Variants in CFAP54 observed in about 807,000 individuals in gnomAD.
The protein encoded by CFAP54 is cilia- and flagella-associated protein 54.
CFAP54 carries 290 observed loss-of-function variants against 370.4 expected under a neutral mutation model. The ratio of observed to expected loss-of-function variants is 0.78; its 90% confidence interval spans 0.71 to 0.86. The LOEUF (loss-of-function observed/expected upper bound fraction) is 0.86. Among genes scored for constraint, CFAP54 ranks in the 40% least tolerant of loss-of-function variants. The pLI, the probability that CFAP54 is intolerant of heterozygous loss-of-function variation, is 0.00. For missense variants in CFAP54, 3,399 were observed against 3,528.7 expected (o/e 0.96, Z 0.93); for synonymous variants, 1,206 against 1,236.5 (o/e 0.98, Z 0.52).
intron 19 of CFAP54, among the ~76,000 whole-genome samples, chr12:96,569,138 A>G (rs1333680807): frequency 6.6e-6 from 1 of 152,178 alleles, no homozygotes; most frequent in Non-Finnish European, 1.5e-5. Context: ...GTGTCTTTGT[A>G]GATGTAATTT....
intron 14 of CFAP54, among the ~76,000 whole-genome samples, chr12:96,544,006 CTATGATA>C (rs1955608473): frequency 6.6e-6 from 1 of 152,032 alleles, no homozygotes; most frequent in Non-Finnish European, 1.5e-5. Context: ...CTCTGTGATA[CTATGATA>C]TATGATATAT....
At chr12:96,621,427 G>A (rs75433486) in intron 26 of CFAP54, among the ~76,000 whole-genome samples, 163 bp from the exon 27 acceptor site, 8,968 of 149,060 alleles carry the variant, frequency 0.06, 382 homozygotes, top group Non-Finnish European at 0.096. Flanking sequence ...CACTCAATGT[G>A]TTAATACGAT....
intron 14 of CFAP54, among the ~76,000 whole-genome samples, chr12:96,543,474 G>C (rs1418169365): frequency 6.6e-6 from 1 of 152,072 alleles, no homozygotes; most frequent in Non-Finnish European, 1.5e-5. Flanking sequence ...GGAGACTGGG[G>C]GTAAGAAGCC....
intron 66 of CFAP54, among the ~76,000 whole-genome samples, chr12:96,843,766 GTTGTGATTCATAAA>G (rs1402757867): frequency 1.3e-5 from 2 of 152,170 alleles, no homozygotes; most frequent in African/African-American, 4.8e-5. Context: ...TCGAGTTACA[GTTGTGATTCATAAA>G]TACATAAATT....
chr12:96,787,801 C>T (rs777676569), intron 62 of CFAP54, among the ~76,000 whole-genome samples: 1 of 151,850 alleles, frequency 6.6e-6, no homozygotes, highest in Non-Finnish European at 1.5e-5. Flanking sequence ...AAGAGAAAAT[C>T]GCAGGATTAA....
At position 96,630,605 on chromosome 12, in the gene CFAP54, T is replaced by C; in HGVS notation, c.4270T>C (p.Phe1424Leu). 3 of 1,509,452 alleles carry C rather than the reference T, an allele frequency of 2.0e-6. No homozygotes were observed. In the Middle Eastern group the frequency reaches 5.1e-4, roughly 257 times the overall value. The allele number at this position is 1,509,452 out of a possible 1,614,324, so 93.5% of individuals were successfully genotyped here. The change falls in exon 32 of 68, where the codon TTC becomes CTC. Residue 1424 changes from phenylalanine (F) to leucine (L), a missense_variant. Coordinates refer to ENST00000524981, the MANE Select transcript of CFAP54 (RefSeq NM_001306084.2). ...TAAAAAAAAGGAAACTCTAAGAGAT[T>C]TCATTTTTAAAAATCCGGCTATTTC... The part of the protein sequence containing the change: ...RSKKKETLRD[F>L]IFKNPAISEM...
chr12:96,688,901 CT>C lies in CFAP54; in HGVS notation c.6015-13del. The C allele has an allele frequency of 6.7e-7, 1 of 1,500,904 alleles. No individual in the cohort carries two copies. Among genetic ancestry groups the C allele is most frequent in the Non-Finnish European group, 9.0e-7 (1 of 1,108,520 alleles). The allele number at this position is 1,500,904 out of a possible 1,614,324, so 93.0% of individuals were successfully genotyped here. On this transcript the variant is annotated splice_polypyrimidine_tract_variant and intron_variant, in intron 42 of 67. Coordinates refer to ENST00000524981, the MANE Select transcript of CFAP54 (RefSeq NM_001306084.2). The stretch of plus-strand genomic sequence containing the variant: ...AATTTCTACTAATCAATTTTTTTTT[CT>C]TATACTTACTTAGATTTATTAAGTC...
intron 50 of CFAP54, among the ~76,000 whole-genome samples, chr12:96,728,715 GGTGA>G (rs2136623061): frequency 6.6e-6 from 1 of 152,290 alleles, no homozygotes; most frequent in African/African-American, 2.4e-5. Flanking sequence ...TTCCGTTGCT[GGTGA>G]GTAACTGTGT....
At position 96,580,580 on chromosome 12, in the gene CFAP54, AT is replaced by A; in HGVS notation, c.2797-12del. On this transcript the variant is annotated splice_polypyrimidine_tract_variant and intron_variant, in intron 20 of 67. Transcript: ENST00000524981. ...AAAAGAATGCCTTTTAAACAGGCTCATTTTTCTCGTCGGCAGGTCTCCTGGT... is the reference window on the plus strand; with the variant it reads ...AAAAGAATGCCTTTTAAACAGGCTCATTTTCTCGTCGGCAGGTCTCCTGGT... 4.1e-6 allele frequency: 6 copies of A among 1,452,398 alleles called. No homozygotes were observed. The South Asian group carries it at 4.3e-5, about 10-fold the overall frequency. 90.0% of individuals were successfully genotyped at this position (1,452,398 alleles called of 1,614,324 possible). A position where few individuals can be genotyped will look rare whatever the true frequency, so the allele number is the denominator to read the frequency against.
intron 48 of CFAP54, among the ~76,000 whole-genome samples, chr12:96,715,008 TC>T (rs1209153232): frequency 6.6e-6 from 1 of 152,196 alleles, no homozygotes; most frequent in African/African-American, 2.4e-5. Flanking sequence ...GTGTATAGGT[TC>T]ACATGCTAAT....
intron 19 of CFAP54, among the ~76,000 whole-genome samples, chr12:96,567,011 A>G (rs1955870618): frequency 6.6e-6 from 1 of 152,182 alleles, no homozygotes; most frequent in South Asian, 2.1e-4. Flanking sequence ...TTAACAGGGG[A>G]GTACCTAACT....
At chr12:96,803,020 T>A (rs1958838508) in intron 63 of CFAP54, among the ~76,000 whole-genome samples, 1 of 152,234 alleles carries the variant, frequency 6.6e-6, no homozygotes, top group Admixed American at 6.5e-5. Context: ...TTCTTTTTAA[T>A]GGCTGCATAG....
chr12:96,516,295 G>C (rs1955235114), intron 5 of CFAP54, among the ~76,000 whole-genome samples: 1 of 152,148 alleles, frequency 6.6e-6, no homozygotes, highest in African/African-American at 2.4e-5. Context: ...TCTAGTCAGA[G>C]ATGTGCTGAG....
intron 63 of CFAP54, among the ~76,000 whole-genome samples, chr12:96,803,531 C>G (rs1184942189): frequency 6.6e-6 from 1 of 152,038 alleles, no homozygotes; most frequent in African/African-American, 2.4e-5. Flanking sequence ...GGTCTGGAGG[C>G]GGCTTAGTTT....
At position 96,708,726 on chromosome 12, in the gene CFAP54, C is replaced by T. The variant is rs1330278832; in HGVS notation, c.6647C>T (p.Thr2216Ile). The T allele has an allele frequency of 1.9e-6, 3 of 1,611,898 alleles. No homozygotes were observed. In the African/African-American group the frequency reaches 4.0e-5, roughly 22 times the overall value. ...TACTTTTTCCTAAGTGTGGCTGCGA[C>T]AATAAATTGTGTCCCAGAAAATAAA... The part of the protein sequence containing the change: ...KAYFFLSVAA[T>I]INCVPENKFK... Residue 2216 changes from threonine (T) to isoleucine (I), a missense_variant, in exon 48 of 68, where the codon ACA (threonine) becomes ATA (isoleucine). Thr to Ile is a moderately conservative substitution (Grantham distance 89). Around this residue, in one of 3 missense-constraint regions of CFAP54, gnomAD observed 2,796 missense variants for 2,869.7 expected, o/e 0.97. Coordinates refer to ENST00000524981, the MANE Select transcript of CFAP54 (RefSeq NM_001306084.2).
At chr12:96,750,886 T>C (rs1171440152) in intron 55 of CFAP54, among the ~76,000 whole-genome samples, 1 of 152,198 alleles carries the variant, frequency 6.6e-6, no homozygotes, top group African/African-American at 2.4e-5. Context: ...ACAACGTCTT[T>C]TTCACAGAGT....
At chr12:96,669,911 G>A (rs1957125387) in intron 39 of CFAP54, among the ~76,000 whole-genome samples, 1 of 152,108 alleles carries the variant, frequency 6.6e-6, no homozygotes, top group East Asian at 1.9e-4. Context: ...ACTTGAGGAT[G>A]GCGTCCTGGA....
chr12:96,673,633 C>A (rs1957172420), intron 39 of CFAP54, among the ~76,000 whole-genome samples: 1 of 152,180 alleles, frequency 6.6e-6, no homozygotes, highest in Non-Finnish European at 1.5e-5. Flanking sequence ...GAACTCAGAT[C>A]ATCAACATAT....
At chr12:96,742,067 G>T (rs77862568) in intron 51 of CFAP54, among the ~76,000 whole-genome samples, 1 of 152,194 alleles carries the variant, frequency 6.6e-6, no homozygotes, top group African/African-American at 2.4e-5. Context: ...ATGGATATTA[G>T]TGAATATTAT....
Sources: gnomAD v4.1 joint callset for allele counts (sites outside exome capture counted in the v4.1 genomes callset) on GRCh38, gnomAD v4.1.1 for gene constraint, gnomAD v4.1.1 regional missense constraint, MANE v1.5 for transcripts, NCBI Gene and HGNC (gene_info 2026-07-23, HGNC 2026-07-21) for gene names.